The following OTOP1 variants were observed in gnomAD, a reference collection of about 807,000 sequenced individuals.
OTOP1 encodes proton channel OTOP1.
In OTOP1, 59 loss-of-function variants were observed where a neutral mutation model predicts 52.9. The observed-to-expected ratio is 1.12, with a 90% CI of 0.91 to 1.39. OTOP1 has a LOEUF of 1.39. OTOP1 is among the 40% of genes most tolerant of loss of function. OTOP1 has a pLI of 0.00. For synonymous variants in OTOP1, 317 were observed against 337.7 expected, an observed-to-expected ratio of 0.94 and a Z score of 0.67; for missense variants, 761 against 800.9, an observed-to-expected ratio of 0.95 and a Z score of 0.60.
chr4:4,208,480 G>C (rs1716956108), intron 2 of OTOP1, among the ~76,000 whole-genome samples: 1 of 152,162 alleles, frequency 6.6e-6, no homozygotes, highest in Admixed American at 6.5e-5. Context: ...GCTACATCAT[G>C]GATGACCCTT....
chr4:4,193,843 G>A (rs1313730268), intron 5 of OTOP1, among the ~76,000 whole-genome samples: 1 of 152,146 alleles, frequency 6.6e-6, no homozygotes, highest in African/African-American at 2.4e-5. Context: ...TCACCCAGTG[G>A]TCAACCAAAA....
chr4:4,198,175 C>T (rs1233001857), intron 4 of OTOP1, 72 bp from the exon 5 acceptor site: 5 of 1,321,158 alleles, frequency 3.8e-6, no homozygotes, highest in Non-Finnish European at 5.3e-6. Flanking sequence ...GCACAGAAAA[C>T]TGTTTCCACC....
chr4:4,191,647 T>C (rs1716509808), intron 5 of OTOP1, among the ~76,000 whole-genome samples: 1 of 152,182 alleles, frequency 6.6e-6, no homozygotes, highest in African/African-American at 2.4e-5. Context: ...CAGCGAGGCC[T>C]TCTCACTAAG....
In OTOP1 at chr4:4,192,665, A is replaced by G. The variant is rs530358009; in HGVS notation, c.1669-3692T>C. On this transcript the variant is annotated intron_variant, in intron 5 of 5. Coordinates refer to ENST00000296358, the MANE Select transcript of OTOP1 (RefSeq NM_177998.3). ...TCCTCCAGGGTCCTCCATCTCCAAC[A>G]TAGTATCACCATCTCCCCAGGAACT... Among the ~76,000 whole-genome samples, 158 of 152,232 alleles carry G rather than the reference A, an allele frequency of 1.0e-3. 1 individual carries two copies. Among genetic ancestry groups the G allele is most frequent in the Non-Finnish European group, 1.3e-4 (9 of 68,010 alleles).
chr4:4,225,845 G>A (rs1717418551), intron 1 of OTOP1, among the ~76,000 whole-genome samples: 1 of 152,162 alleles, frequency 6.6e-6, no homozygotes, highest in Non-Finnish European at 1.5e-5. Flanking sequence ...GCCCAGTGCG[G>A]GCTGGGGGCA....
At chr4:4,202,402 A>G (rs1007771439) in intron 4 of OTOP1, 46 bp downstream of exon 4, 3 of 1,609,400 alleles carry the variant, frequency 1.9e-6, no homozygotes, top group African/African-American at 2.7e-5. Flanking sequence ...GGTTTCCAAG[A>G]CATTCCAACA....
chr4:4,207,801 C>T (rs1023504832), intron 2 of OTOP1, among the ~76,000 whole-genome samples: 34 of 152,112 alleles, frequency 2.2e-4, no homozygotes, highest in African/African-American at 7.7e-4. Flanking sequence ...GTTTATTTTG[C>T]CAAGATTAAG....
rs1217747493 is a variant in OTOP1, at chr4:4,199,950, T to G, written c.731-1847A>C. ...GTCTCTGATATAGTAAAACTAAGTA[T>G]TATTTCATCAAGCATACACACATAG... On this transcript the variant is annotated intron_variant, in intron 4 of 5. Transcript: ENST00000296358. Among the ~76,000 whole-genome samples the G allele has an allele frequency of 3.3e-5, 5 of 152,180 alleles. No individual in the cohort carries two copies. In the East Asian group the frequency reaches 5.8e-4, roughly 18 times the overall value.
At chr4:4,203,022 C>T (rs1171585690) in intron 3 of OTOP1, among the ~76,000 whole-genome samples, 1 of 152,240 alleles carries the variant, frequency 6.6e-6, no homozygotes, top group Non-Finnish European at 1.5e-5. Context: ...GATTGGCCAA[C>T]CCCAACCATC....
intron 1 of OTOP1, among the ~76,000 whole-genome samples, chr4:4,220,457 G>C (rs1300533850): frequency 6.6e-6 from 1 of 152,128 alleles, no homozygotes; most frequent in African/African-American, 2.4e-5. Flanking sequence ...ACATAGAGTG[G>C]CAGAGGCCAG....
Position 4,226,599 on chromosome 4 carries a change from T to C in OTOP1, c.266A>G (p.Lys89Arg). 1.2e-6 allele frequency: 2 copies of C among 1,602,836 alleles called. No individual in the cohort carries two copies. The highest frequency in any genetic ancestry group is 1.7e-6 in the Non-Finnish European group (2 of 1,177,848). ...CGTCAGGAAGCACAGCAGGTCGCTC[T>C]TGCTCACGCCCGCGGCGTGCACGGC... ...AWAVHAAGVS[K>R]SDLLCFLTAL... The change falls in exon 1 of 6, where the codon AAG (lysine) becomes AGG (arginine). Residue 89 changes from lysine (K) to arginine (R), a missense_variant. By Grantham distance (26) the Lys-to-Arg change is conservative. Around this residue, in one of 3 missense-constraint regions of OTOP1, gnomAD observed 56 missense variants for 105.6 expected, o/e 0.53. Coordinates refer to ENST00000296358, the MANE Select transcript of OTOP1 (RefSeq NM_177998.3).
intron 4 of OTOP1, among the ~76,000 whole-genome samples, chr4:4,201,230 C>T (rs890003529): frequency 6.6e-6 from 1 of 152,062 alleles, no homozygotes; most frequent in Non-Finnish European, 1.5e-5. Flanking sequence ...AGTTCGAGAC[C>T]AGCTTGGCCA....
chr4:4,213,171 C>T (rs1717062377), intron 1 of OTOP1, among the ~76,000 whole-genome samples, 167 bp from the exon 2 acceptor site: 1 of 152,148 alleles, frequency 6.6e-6, no homozygotes, highest in South Asian at 2.1e-4. Context: ...GTCTTTTCAA[C>T]AAATGTGGTG....
At chr4:4,208,675 T>C (rs1449549133) in intron 2 of OTOP1, among the ~76,000 whole-genome samples, 2 of 151,626 alleles carry the variant, frequency 1.3e-5, no homozygotes, top group African/African-American at 2.4e-5. Flanking sequence ...TTTTGCAAGA[T>C]GAAAAAGGTC....
chr4:4,207,550 T>C (rs1716933487), intron 2 of OTOP1, among the ~76,000 whole-genome samples: 1 of 147,814 alleles, frequency 6.8e-6, no homozygotes, highest in Admixed American at 6.8e-5. Flanking sequence ...TGCTTTTTGC[T>C]TTTTTTTTTA....
chr4:4,206,791 G>A (rs1475001046), intron 2 of OTOP1, among the ~76,000 whole-genome samples: 1 of 152,222 alleles, frequency 6.6e-6, no homozygotes, highest in Non-Finnish European at 1.5e-5. Context: ...CCTAGAGGAT[G>A]TTGTGAGCAA....
chr4:4,209,034 G>C (rs1343625890), intron 2 of OTOP1, among the ~76,000 whole-genome samples: 6 of 152,210 alleles, frequency 3.9e-5, no homozygotes, highest in African/African-American at 1.2e-4. Context: ...TGCTGGGCAA[G>C]TGTACTTCCA....
intron 3 of OTOP1, among the ~76,000 whole-genome samples, chr4:4,205,764 G>C (rs11736764): frequency 6.1e-4 from 93 of 152,196 alleles, no homozygotes; most frequent in Non-Finnish European, 1.2e-3. Flanking sequence ...GTTAAAAAAA[G>C]AAATTACATT....
rs777116064 is a variant in OTOP1, at chr4:4,188,759, A to G, written c.*44T>C. ...ACCTGGCCACTCCTAGTTGGCTCCA[A>G]TGAACTCTTGTTAGCTCACTCCTAG... On this transcript the variant is annotated 3_prime_UTR_variant, in exon 6 of 6. Coordinates refer to ENST00000296358, the MANE Select transcript of OTOP1 (RefSeq NM_177998.3). 7.2e-6 allele frequency: 11 copies of G among 1,529,130 alleles called. No homozygotes were observed. Among genetic ancestry groups the G allele is most frequent in the South Asian group, 6.5e-5 (5 of 76,454 alleles). 94.7% of individuals were successfully genotyped at this position (1,529,130 alleles called of 1,614,324 possible). A position where few individuals can be genotyped will look rare whatever the true frequency, so the allele number is the denominator to read the frequency against.
Sources: allele counts gnomAD v4.1 joint callset (sites outside exome capture counted in the v4.1 genomes callset), GRCh38; gene constraint gnomAD v4.1.1; regional missense constraint gnomAD v4.1.1; transcripts MANE v1.5; gene names NCBI Gene and HGNC (gene_info 2026-07-23, HGNC 2026-07-21).